Variants in GRID2 observed in about 807,000 individuals in gnomAD.
The protein encoded by GRID2 is glutamate receptor ionotropic, delta-2.
A neutral mutation model predicts 114.8 loss-of-function variants in GRID2; 33 were observed. The ratio of observed to expected loss-of-function variants is 0.29; its 90% confidence interval spans 0.22 to 0.38. GRID2 has a LOEUF of 0.38. Among genes scored for constraint, GRID2 ranks in the 10% least tolerant of loss-of-function variants. The probability of loss-of-function intolerance (pLI) is 1.00; values close to 1 mark genes in which losing one functional copy is unlikely to be tolerated. For synonymous variants in GRID2, 505 were observed against 449.9 expected, an observed-to-expected ratio of 1.12 and a Z score of -1.55; for missense variants, 1,184 against 1,257.7, an observed-to-expected ratio of 0.94 and a Z score of 0.89.
chr4:93,150,806 C>T (rs1316709987), intron 4 of GRID2, among the ~76,000 whole-genome samples: 6 of 151,972 alleles, frequency 3.9e-5, no homozygotes, highest in Non-Finnish European at 2.9e-5. Context: ...TGTAGAAACT[C>T]TCAAACCCCT....
rs555765611 is a variant in GRID2, at chr4:92,472,535, T to C, written c.89-117596T>C. Among the ~76,000 whole-genome samples the C allele has an allele frequency of 2.6e-5, 4 of 152,318 alleles. No individual in the cohort carries two copies. In the South Asian group the frequency reaches 8.3e-4, roughly 32 times the overall value. On this transcript the variant is annotated intron_variant, in intron 1 of 15. Transcript: ENST00000282020. The stretch of plus-strand genomic sequence containing the variant: ...TTTTAAATGAGTTGTAACATTTTAC[T>C]TTCCCACTGGTAATGTATAAGAGTT...
chr4:93,631,028 A>G lies in GRID2; in HGVS notation c.2360+4593A>G, dbSNP rs546813800. 3.3e-5 allele frequency among the ~76,000 whole-genome samples: 5 copies of G among 152,296 alleles called. No homozygotes were observed. The South Asian group carries it at 6.2e-4, about 19-fold the overall frequency. On this transcript the variant is annotated intron_variant, in intron 14 of 15. Coordinates refer to ENST00000282020, the MANE Select transcript of GRID2 (RefSeq NM_001510.4). Reference sequence around the variant, plus strand: ...GTTGCTGTCCTAATTGTACAGATACAGAAACTGAGACATCATGAAGTAAAG... The same window carrying G: ...GTTGCTGTCCTAATTGTACAGATACGGAAACTGAGACATCATGAAGTAAAG...
At chr4:93,587,591 C>T (rs755350535) in intron 13 of GRID2, among the ~76,000 whole-genome samples, 8 of 152,064 alleles carry the variant, frequency 5.3e-5, no homozygotes, top group Non-Finnish European at 8.8e-5. Flanking sequence ...TCCATGGCCT[C>T]ATTTTAGTAT....
intron 8 of GRID2, among the ~76,000 whole-genome samples, chr4:93,361,457 A>T (rs1708078195): frequency 6.7e-6 from 1 of 149,246 alleles, no homozygotes; most frequent in Admixed American, 6.7e-5. Context: ...CTCTTTTTAA[A>T]TGTTACTGTG....
At chr4:93,098,084 A>G (rs1225236351) in intron 3 of GRID2, among the ~76,000 whole-genome samples, 1 of 151,950 alleles carries the variant, frequency 6.6e-6, no homozygotes, top group Non-Finnish European at 1.5e-5. Context: ...TGACATATTT[A>G]CTGATTACAA....
chr4:93,401,014 G>A (rs983475081), intron 9 of GRID2, among the ~76,000 whole-genome samples: 16 of 151,944 alleles, frequency 1.1e-4, no homozygotes, highest in East Asian at 7.8e-4. Flanking sequence ...TTTATTTTTC[G>A]TAGAGACAGG....
At chr4:93,227,957 C>T (rs1398057501) in intron 7 of GRID2, among the ~76,000 whole-genome samples, 2 of 152,176 alleles carry the variant, frequency 1.3e-5, no homozygotes, top group African/African-American at 4.8e-5. Context: ...CTCTACAGCT[C>T]TCCTCTTCCA....
At chr4:93,212,568 A>T (rs1743664503) in intron 5 of GRID2, among the ~76,000 whole-genome samples, 1 of 152,128 alleles carries the variant, frequency 6.6e-6, no homozygotes, top group African/African-American at 2.4e-5. Flanking sequence ...AGAAATTCAG[A>T]TAGGAAGACG....
intron 8 of GRID2, among the ~76,000 whole-genome samples, chr4:93,283,705 T>C (rs1034353192): frequency 6.6e-6 from 1 of 152,084 alleles, no homozygotes; most frequent in African/African-American, 2.4e-5. Context: ...CTTCTGACTT[T>C]CCTGATTTAT....
intron 11 of GRID2, among the ~76,000 whole-genome samples, chr4:93,460,788 C>T (rs997750496): frequency 2.0e-5 from 3 of 152,064 alleles, no homozygotes; most frequent in Non-Finnish European, 4.4e-5. Flanking sequence ...AGATTATAGT[C>T]TCAAATAAAA....
At chr4:92,599,049 T>C (rs952708303) in intron 2 of GRID2, among the ~76,000 whole-genome samples, 54 of 146,456 alleles carry the variant, frequency 3.7e-4, no homozygotes, top group African/African-American at 1.2e-3. Flanking sequence ...TTTTTTTTTT[T>C]CCTGTCTCTC....
In GRID2 at chr4:93,085,240, G is replaced by A; in HGVS notation, c.490G>A (p.Ala164Thr). ...TATCCTAAGAGTGGTCACAGAGTATGCCTGGCAGAAATTCATTATATTCTA... is the reference window on the plus strand; with the variant it reads ...TATCCTAAGAGTGGTCACAGAGTATACCTGGCAGAAATTCATTATATTCTA... ...DVILRVVTEY[A>T]WQKFIIFYDS... Residue 164 changes from alanine to threonine, a missense_variant, in exon 3 of 16, where the codon GCC (alanine) becomes ACC (threonine). Around this residue, in one of 3 missense-constraint regions of GRID2, gnomAD observed 455 missense variants for 429.5 expected, o/e 1.06. Transcript: ENST00000282020. 3 of 1,613,630 alleles carry A rather than the reference G, an allele frequency of 1.9e-6. No individual in the cohort carries two copies. Among genetic ancestry groups the A allele is most frequent in the Non-Finnish European group, 2.5e-6 (3 of 1,179,532 alleles).
intron 14 of GRID2, among the ~76,000 whole-genome samples, chr4:93,727,922 C>G (rs748083490): frequency 6.6e-6 from 1 of 151,912 alleles, no homozygotes. Flanking sequence ...TTTGTTGATC[C>G]TTTCAAAAAA....
intron 14 of GRID2, among the ~76,000 whole-genome samples, chr4:93,669,346 A>T (rs994109739): frequency 6.6e-6 from 1 of 152,096 alleles, no homozygotes; most frequent in Admixed American, 6.6e-5. Context: ...GGTGGCAAAC[A>T]TATGTGTTAC....
intron 1 of GRID2, among the ~76,000 whole-genome samples, chr4:92,329,218 CTT>C (rs1383118044): frequency 6.6e-6 from 1 of 151,490 alleles, no homozygotes; most frequent in Non-Finnish European, 1.5e-5. Context: ...AATTCTTAAA[CTT>C]TTTTTTTCTG....
intron 8 of GRID2, among the ~76,000 whole-genome samples, chr4:93,386,062 T>C (rs2149315784): frequency 6.6e-6 from 1 of 152,206 alleles, no homozygotes; most frequent in East Asian, 1.9e-4. Context: ...AAAAATGTGT[T>C]TTCTCAAGGA....
At chr4:92,652,979 T>C (rs1350802330) in intron 2 of GRID2, among the ~76,000 whole-genome samples, 1 of 127,140 alleles carries the variant, frequency 7.9e-6, no homozygotes, top group African/African-American at 2.8e-5. Flanking sequence ...TATAAATACA[T>C]ATAAATATAT....
intron 2 of GRID2, among the ~76,000 whole-genome samples, chr4:92,663,861 C>A (rs149932858): frequency 6.6e-6 from 1 of 151,260 alleles, no homozygotes; most frequent in East Asian, 1.9e-4. Context: ...TTTGGCTACG[C>A]TGAGTACCTC....
intron 13 of GRID2, among the ~76,000 whole-genome samples, chr4:93,620,851 G>T (rs6817351): frequency 0.12 from 18,965 of 152,076 alleles, 1,245 homozygotes; most frequent in Middle Eastern, 0.14. Flanking sequence ...AATATTTGGG[G>T]TTTTCTTATA....
Sources: allele counts gnomAD v4.1 joint callset (sites outside exome capture counted in the v4.1 genomes callset), GRCh38; gene constraint gnomAD v4.1.1; regional missense constraint gnomAD v4.1.1; transcripts MANE v1.5; gene names NCBI Gene and HGNC (gene_info 2026-07-23, HGNC 2026-07-21).